The following CCDC39 variants were observed in gnomAD, a reference collection of about 807,000 sequenced individuals.
CCDC39 encodes the protein coiled-coil domain 39 molecular ruler complex subunit.
In CCDC39, 113 loss-of-function variants were observed where a neutral mutation model predicts 121.0. That is an observed-to-expected ratio of 0.93 (90% confidence interval 0.80 to 1.09). CCDC39 has a LOEUF of 1.09. CCDC39 is among the 50% of genes least tolerant of loss of function. The pLI, the probability that CCDC39 is intolerant of heterozygous loss-of-function variation, is 0.00. For missense variants in CCDC39, 1,063 were observed against 1,074.7 expected, an observed-to-expected ratio of 0.99 and a Z score of 0.15; for synonymous variants, 349 against 352.2, an observed-to-expected ratio of 0.99 and a Z score of 0.10.
At chr3:180,647,029 A>G (rs1448643869) in intron 11 of CCDC39, 50 bp downstream of exon 11, 2 of 1,558,256 alleles carry the variant, frequency 1.3e-6, no homozygotes, top group African/African-American at 2.8e-5. Context: ...TTGTCCTAAA[A>G]CAGAATGACT....
chr3:180,672,774 A>C (rs1357462428), intron 1 of CCDC39, among the ~76,000 whole-genome samples: 3 of 152,252 alleles, frequency 2.0e-5, no homozygotes, highest in Non-Finnish European at 4.4e-5. Flanking sequence ...GTTAGGCTAT[A>C]TCTGCCATAG....
intron 1 of CCDC39, among the ~76,000 whole-genome samples, chr3:180,669,984 C>A (rs917368875): frequency 1.3e-5 from 2 of 151,990 alleles, no homozygotes; most frequent in Non-Finnish European, 2.9e-5. Flanking sequence ...TACTTTTTTT[C>A]AGTGTTTTCA....
intron 13 of CCDC39, among the ~76,000 whole-genome samples, chr3:180,635,487 C>G (rs1264551172): frequency 1.3e-5 from 2 of 152,144 alleles, no homozygotes; most frequent in Admixed American, 1.3e-4. Flanking sequence ...GAGTTGCTTC[C>G]AAGATACAAT....
chr3:180,615,087 A>G lies in CCDC39; in HGVS notation c.2670-10T>C. 6.6e-7 allele frequency: 1 copy of G among 1,513,820 alleles called. No individual in the cohort carries two copies. 93.8% of individuals were successfully genotyped at this position (1,513,820 alleles called of 1,614,324 possible). A position where few individuals can be genotyped will look rare whatever the true frequency, so the allele number is the denominator to read the frequency against. On this transcript the variant is annotated splice_polypyrimidine_tract_variant and intron_variant, in intron 19 of 19. Transcript: ENST00000476379. ...TGTACTCCTAGATGACCTAGAAGAA[A>G]AACCAGAATTATAAATTCAATGCAA...
chr3:180,616,573 A>G lies in CCDC39; in HGVS notation c.2529T>C (p.Val843=). 1 of 1,602,652 alleles carries G rather than the reference A, an allele frequency of 6.2e-7. No individual in the cohort carries two copies. ...QFHKVIDEML[V]DIIEENTEIR... Reference sequence around the variant, plus strand: ...TCTCAGTATTTTCTTCTATGATATCAACTAACATTTCATCAATAACTTTGT... The same window carrying G: ...TCTCAGTATTTTCTTCTATGATATCGACTAACATTTCATCAATAACTTTGT... Residue 843 remains valine, a synonymous_variant, in exon 18 of 20, where the codon GTT becomes GTC. Coordinates refer to ENST00000476379, the MANE Select transcript of CCDC39 (RefSeq NM_181426.2).
chr3:180,659,669 A>C lies in CCDC39; in HGVS notation c.609+8T>G, dbSNP rs1711691411. ...AAATTAAGAAATAAAAATCTTCCTTAAACTAACCTGTGCGCTTATAGTCTC... is the reference window on the plus strand; with the variant it reads ...AAATTAAGAAATAAAAATCTTCCTTCAACTAACCTGTGCGCTTATAGTCTC... On this transcript the variant is annotated splice_region_variant and intron_variant, in intron 5 of 19. Coordinates refer to ENST00000476379, the MANE Select transcript of CCDC39 (RefSeq NM_181426.2). The C allele has an allele frequency of 6.2e-7, 1 of 1,606,600 alleles. No individual in the cohort carries two copies. The highest frequency in any genetic ancestry group is 1.3e-5 in the African/African-American group (1 of 74,416).
intron 16 of CCDC39, 58 bp from the exon 17 acceptor site, chr3:180,617,024 G>T: frequency 6.6e-6 from 6 of 911,432 alleles, no homozygotes; most frequent in South Asian, 4.3e-5. Flanking sequence ...TTTATAACTT[G>T]TCATTTATCA....
At chr3:180,631,433 T>A (rs1717692459) in intron 14 of CCDC39, 36 bp downstream of exon 14, 2 of 1,554,030 alleles carry the variant, frequency 1.3e-6, no homozygotes, top group Non-Finnish European at 1.7e-6. Context: ...CAAAGAAAAT[T>A]TCATACCATC....
intron 14 of CCDC39, among the ~76,000 whole-genome samples, chr3:180,631,007 AAGCCT>A (rs1480378775): frequency 6.6e-5 from 10 of 152,204 alleles, no homozygotes; most frequent in African/African-American, 1.7e-4. Context: ...GGAAAGCTTT[AAGCCT>A]CAATTGTTGA....
At chr3:180,626,925 C>G (rs552603203) in intron 14 of CCDC39, among the ~76,000 whole-genome samples, 9 of 152,322 alleles carry the variant, frequency 5.9e-5, no homozygotes, top group Admixed American at 5.9e-4. Flanking sequence ...CCTAAATCTA[C>G]TACATCAAGA....
intron 8 of CCDC39, among the ~76,000 whole-genome samples, chr3:180,651,863 C>T (rs1711500118): frequency 6.6e-6 from 1 of 152,080 alleles, no homozygotes; most frequent in Non-Finnish European, 1.5e-5. Flanking sequence ...CGGTGAAACC[C>T]CGTCTCTAAT....
rs1484342764 is a variant in CCDC39 at position 180,679,240 on chromosome 3, G to T, written c.90+51C>A. 2 of 1,438,864 alleles carry T rather than the reference G, an allele frequency of 1.4e-6. No individual in the cohort carries two copies. The highest frequency in any genetic ancestry group is 1.4e-5 in the African/African-American group (1 of 71,600). 89.1% of individuals were successfully genotyped at this position (1,438,864 alleles called of 1,614,324 possible). On this transcript the variant is annotated intron_variant, in intron 1 of 19. Coordinates refer to ENST00000476379, the MANE Select transcript of CCDC39 (RefSeq NM_181426.2). The surrounding 1 kb of genome is among the most constrained non-coding windows in gnomAD (Gnocchi z 4.0). ...GGGGTAGTACTGCCAACCAGAAAAC[G>T]CCCCCAACAGGCTCTCTCTGCTTCC...
At chr3:180,674,467 T>C (rs1175784444) in intron 1 of CCDC39, among the ~76,000 whole-genome samples, 4 of 149,026 alleles carry the variant, frequency 2.7e-5, no homozygotes, top group Admixed American at 6.7e-5. Flanking sequence ...GAATACCCTT[T>C]ATTTCTTTAT....
At chr3:180,678,546 G>A (rs1325170302) in intron 1 of CCDC39, among the ~76,000 whole-genome samples, 2 of 151,760 alleles carry the variant, frequency 1.3e-5, no homozygotes, top group East Asian at 3.9e-4. Context: ...GGGTTTGTGG[G>A]GGGTCTCGCT....
chr3:180,658,321 C>T (rs1201219813), intron 6 of CCDC39, among the ~76,000 whole-genome samples: 9 of 147,784 alleles, frequency 6.1e-5, no homozygotes, highest in East Asian at 4.1e-4. Context: ...CTCTGCCAGG[C>T]GCGGTGGCTC....
chr3:180,646,741 G>A (rs1484726820), intron 11 of CCDC39, among the ~76,000 whole-genome samples: 1 of 152,040 alleles, frequency 6.6e-6, no homozygotes, highest in African/African-American at 2.4e-5. Flanking sequence ...TCAAATGCAG[G>A]AGGGGTCAAA....
At chr3:180,634,720 C>T (rs1717785395) in intron 13 of CCDC39, among the ~76,000 whole-genome samples, 1 of 152,100 alleles carries the variant, frequency 6.6e-6, no homozygotes, top group South Asian at 2.1e-4. Flanking sequence ...TATAGAGCAG[C>T]CACACAGCCA....
intron 10 of CCDC39, 33 bp downstream of exon 10, chr3:180,648,132 A>T: frequency 6.6e-7 from 1 of 1,526,572 alleles, no homozygotes; most frequent in Non-Finnish European, 9.0e-7. Flanking sequence ...GTAATAAATC[A>T]ATATGGAAGA....
chr3:180,663,529 T>G (rs967804418), intron 2 of CCDC39, among the ~76,000 whole-genome samples: 4 of 151,586 alleles, frequency 2.6e-5, no homozygotes, highest in Non-Finnish European at 5.9e-5. Context: ...AAAAATTAGC[T>G]GGGGGTGGTG....
Sources: allele counts gnomAD v4.1 joint callset (sites outside exome capture counted in the v4.1 genomes callset), GRCh38; gene constraint gnomAD v4.1.1; non-coding constraint Gnocchi (gnomAD v3.1); transcripts MANE v1.5; gene names NCBI Gene and HGNC (gene_info 2026-07-23, HGNC 2026-07-21).